The following CDH7 variants were observed in gnomAD, a reference collection of about 807,000 sequenced individuals.
The protein encoded by CDH7 is cadherin-7.
A neutral mutation model predicts 71.8 loss-of-function variants in CDH7; 25 were observed. The observed-to-expected ratio is 0.35, with a 90% CI of 0.25 to 0.49. The LOEUF is 0.49. Ranked by LOEUF, CDH7 falls within the 20% of genes least tolerant of loss-of-function variation. The pLI is 0.99. For synonymous variants in CDH7, 381 were observed against 363.8 expected (o/e 1.05, Z -0.54); for missense variants, 862 against 974.6 (o/e 0.88, Z 1.54).
At chr18:65,831,145 A>G (rs1427636785) in intron 6 of CDH7, among the ~76,000 whole-genome samples, 32 of 152,216 alleles carry the variant, frequency 2.1e-4, no homozygotes, top group Admixed American at 2.1e-3. Flanking sequence ...AAAATAATTT[A>G]TTACAATTTT....
At chr18:65,784,221 A>G (rs964764058) in intron 2 of CDH7, among the ~76,000 whole-genome samples, 2 of 150,048 alleles carry the variant, frequency 1.3e-5, no homozygotes, top group South Asian at 2.1e-4. Context: ...TGCTGAGATT[A>G]CAGGCATGAG....
intron 1 of CDH7, among the ~76,000 whole-genome samples, chr18:65,760,324 A>G (rs1165731171): frequency 6.6e-6 from 1 of 152,196 alleles, no homozygotes; most frequent in Admixed American, 6.5e-5. Flanking sequence ...TTACGTAGTT[A>G]AGACATGACT....
intron 2 of CDH7, among the ~76,000 whole-genome samples, chr18:65,804,697 C>G (rs375466787): frequency 2.2e-5 from 1 of 45,290 alleles, no homozygotes; most frequent in African/African-American, 4.7e-5. Context: ...TCCCTTAACA[C>G]ACGTGTGTGT....
At chr18:65,849,350 TTTTCTTTTCTTTTCTTTTC>T (rs1186816943) in intron 7 of CDH7, among the ~76,000 whole-genome samples, 15,640 of 110,140 alleles carry the variant, frequency 0.14, 1,998 homozygotes, top group South Asian at 0.23. Flanking sequence ...TTTTCTTTTC[TTTTCTTTTCTTTTCTTTTC>T]TTTTCTTTTC....
chr18:65,800,038 A>G (rs1911063636), intron 2 of CDH7, among the ~76,000 whole-genome samples: 1 of 152,178 alleles, frequency 6.6e-6, no homozygotes, highest in African/African-American at 2.4e-5. Flanking sequence ...ACAAATCAAA[A>G]CAGATTAAAT....
chr18:65,828,720 A>G (rs756285), intron 6 of CDH7, among the ~76,000 whole-genome samples: 110,834 of 151,474 alleles, frequency 0.73, 40,770 homozygotes, highest in East Asian at 0.98. Context: ...TATTCATCTC[A>G]TTTTTAGATG....
chr18:65,776,042 A>G (rs1487015037), intron 2 of CDH7, among the ~76,000 whole-genome samples: 1 of 152,232 alleles, frequency 6.6e-6, no homozygotes, highest in African/African-American at 2.4e-5. Flanking sequence ...ATAAATTATT[A>G]GAGTAAGAAC....
At chr18:65,812,754 A>C (rs1452373770) in intron 3 of CDH7, among the ~76,000 whole-genome samples, 3 of 152,186 alleles carry the variant, frequency 2.0e-5, no homozygotes. Flanking sequence ...TCAGAAAAAA[A>C]TGTGTTATTG....
chr18:65,864,748 A>G (rs2628261), intron 11 of CDH7, among the ~76,000 whole-genome samples: 147,547 of 151,664 alleles, frequency 0.97, 71,886 homozygotes, highest in East Asian at 1. Flanking sequence ...AAAATTAGCC[A>G]GGAGTGGTGG....
In CDH7 at chr18:65,862,687, C is replaced by T. The variant is rs767286671; in HGVS notation, c.1634C>T (p.Thr545Ile). ...CTAGACAACACAGCCTCAATACTGA[C>T]CAGGAGAAACGGCTTCCGGAGACAG... ...DNKDNTASIL[T>I]RRNGFRRQEQ... The change falls in exon 11 of 12, where the codon ACC becomes ATC. Residue 545 changes from threonine (T) to isoleucine (I), a missense_variant. By Grantham distance (89) the Thr-to-Ile change is moderately conservative. Transcript: ENST00000397968. The T allele has an allele frequency of 6.2e-7, 1 of 1,614,076 alleles. No individual in the cohort carries two copies. The highest frequency in any genetic ancestry group is 1.7e-5 in the Admixed American group (1 of 60,030).
intron 5 of CDH7, 30 bp from the exon 6 acceptor site, chr18:65,824,614 C>G (rs771450864): frequency 6.9e-7 from 1 of 1,453,360 alleles, no homozygotes; most frequent in Admixed American, 2.1e-5. Flanking sequence ...TTTGGTGTAA[C>G]GTGTTCATTT....
At chr18:65,820,845 C>T (rs1911898181) in intron 4 of CDH7, among the ~76,000 whole-genome samples, 1 of 152,018 alleles carries the variant, frequency 6.6e-6, no homozygotes, top group Non-Finnish European at 1.5e-5. Flanking sequence ...GCAGTGTTTC[C>T]TTTACTGATT....
chr18:65,760,062 A>C (rs1244097519), intron 1 of CDH7, among the ~76,000 whole-genome samples: 1 of 152,204 alleles, frequency 6.6e-6, no homozygotes, highest in Non-Finnish European at 1.5e-5. Context: ...TTGAATATAG[A>C]TAACATTCCA....
At chr18:65,785,671 A>G (rs9319696) in intron 2 of CDH7, among the ~76,000 whole-genome samples, 1 of 151,754 alleles carries the variant, frequency 6.6e-6, no homozygotes, top group Non-Finnish European at 1.5e-5. Flanking sequence ...TTAATATATA[A>G]TATTTTCCTA....
At chr18:65,797,674 G>A (rs547221098) in intron 2 of CDH7, among the ~76,000 whole-genome samples, 3 of 152,288 alleles carry the variant, frequency 2.0e-5, no homozygotes, top group Non-Finnish European at 4.4e-5. Context: ...TCATTTAGAA[G>A]CATTAGTGTT....
chr18:65,781,807 CTTCCTTCCTTCCTTCTTTCTTTCTTTCT>C (rs1359370717), intron 2 of CDH7, among the ~76,000 whole-genome samples: 5 of 65,424 alleles, frequency 7.6e-5, no homozygotes, highest in African/African-American at 5.1e-4. Flanking sequence ...TCCTTCCTTC[CTTCCTTCCTTCCTTCTTTCTTTCTTTCT>C]TTCTTTCTTT....
intron 1 of CDH7, among the ~76,000 whole-genome samples, chr18:65,755,617 T>C (rs2143771087): frequency 6.6e-6 from 1 of 152,342 alleles, no homozygotes; most frequent in East Asian, 1.9e-4. Flanking sequence ...TGTTGTATTA[T>C]GGCATCTGCT....
intron 7 of CDH7, among the ~76,000 whole-genome samples, chr18:65,844,818 T>G (rs7242066): frequency 0.62 from 94,394 of 151,866 alleles, 31,145 homozygotes; most frequent in East Asian, 0.93. Context: ...AAATAAAATG[T>G]CTGTTGTATT....
At chr18:65,847,364 C>A (rs1303851759) in intron 7 of CDH7, among the ~76,000 whole-genome samples, 1 of 152,154 alleles carries the variant, frequency 6.6e-6, no homozygotes, top group Non-Finnish European at 1.5e-5. Flanking sequence ...ACTTGTAAAA[C>A]AGTGTGGCCA....
Sources: allele counts gnomAD v4.1 joint callset (sites outside exome capture counted in the v4.1 genomes callset), GRCh38; gene constraint gnomAD v4.1.1; transcripts MANE v1.5; gene names NCBI Gene and HGNC (gene_info 2026-07-23, HGNC 2026-07-21).